The following NEK4 variants were observed in gnomAD, a reference collection of about 807,000 sequenced individuals.
NEK4 encodes serine/threonine-protein kinase Nek4.
In NEK4, 86 loss-of-function variants were observed where a neutral mutation model predicts 98.4. The observed-to-expected ratio is 0.87, with a 90% CI of 0.73 to 1.05. The LOEUF (loss-of-function observed/expected upper bound fraction) is 1.05, where lower values mean the gene tolerates loss of function less well. NEK4 is among the 50% of genes least tolerant of loss of function. The pLI is 0.00. For synonymous variants in NEK4, 328 were observed against 342.2 expected (o/e 0.96, Z 0.46); for missense variants, 898 against 950.3 (o/e 0.94, Z 0.72).
chr3:52,762,565 T>C (rs1182642787), intron 5 of NEK4, among the ~76,000 whole-genome samples: 3 of 152,324 alleles, frequency 2.0e-5, no homozygotes, highest in South Asian at 4.1e-4. Flanking sequence ...TGGGAGAATA[T>C]GCCACGCCAA....
intron 12 of NEK4, among the ~76,000 whole-genome samples, chr3:52,742,893 G>A (rs1278790327): frequency 6.6e-6 from 1 of 152,174 alleles, no homozygotes; most frequent in African/African-American, 2.4e-5. Flanking sequence ...GGGCTCAAGT[G>A]ATCCTTCCAC....
chr3:52,718,850 T>C (rs2097357591), intron 15 of NEK4, among the ~76,000 whole-genome samples: 1 of 152,330 alleles, frequency 6.6e-6, no homozygotes. Context: ...TTCCGCCTCC[T>C]GGGCTCAAGT....
At chr3:52,727,987 C>G (rs557872700) in intron 15 of NEK4, among the ~76,000 whole-genome samples, 1 of 152,266 alleles carries the variant, frequency 6.6e-6, no homozygotes, top group Admixed American at 6.5e-5. Context: ...AATCTCAGCA[C>G]TTTGGGAGAC....
intron 1 of NEK4, among the ~76,000 whole-genome samples, 194 bp from the exon 2 acceptor site, chr3:52,768,798 G>C (rs1698674088): frequency 6.6e-6 from 1 of 152,112 alleles, no homozygotes; most frequent in Non-Finnish European, 1.5e-5. Flanking sequence ...TTATAAGTTA[G>C]ATTTATAGCA....
chr3:52,708,707 A>G lies in NEK4; in HGVS notation c.*3070T>C, dbSNP rs1385624308. On this transcript the variant is annotated 3_prime_UTR_variant, in exon 16 of 16. Transcript: ENST00000233027. ...AACATTTCACCTTTATTGAATGCCT[A>G]TAAGGCCATTTGAATAACGGATCAT... is the stretch of plus-strand genomic sequence containing the variant. The G allele has an allele frequency of 2.6e-5, 4 of 152,188 alleles. No homozygotes were observed. Among genetic ancestry groups the G allele is most frequent in the African/African-American group, 4.8e-5 (2 of 41,446 alleles). The allele number at this position is 152,188 out of a possible 1,614,324, so 9.4% of individuals were successfully genotyped here. A position where few individuals can be genotyped will look rare whatever the true frequency, so the allele number is the denominator to read the frequency against.
chr3:52,746,947 T>C (rs2097397271), intron 8 of NEK4, 43 bp from the exon 9 acceptor site: 3 of 1,434,706 alleles, frequency 2.1e-6, no homozygotes, highest in Non-Finnish European at 2.9e-6. Flanking sequence ...AGCAGCAACC[T>C]GGTACATTGT....
chr3:52,756,825 G>C (rs1044356988), intron 6 of NEK4, among the ~76,000 whole-genome samples: 1 of 152,124 alleles, frequency 6.6e-6, no homozygotes, highest in Non-Finnish European at 1.5e-5. Flanking sequence ...CCCACAAAAT[G>C]AGAGAAAATA....
intron 15 of NEK4, chr3:52,732,779 T>C (rs1189862650): frequency 1.2e-5 from 3 of 256,060 alleles, no homozygotes; most frequent in Non-Finnish European, 2.6e-5. Flanking sequence ...CTCTGGACTC[T>C]GCAGGGTGAA....
At chr3:52,754,656 C>T (rs1412460317) in intron 6 of NEK4, 4 of 660,978 alleles carry the variant, frequency 6.1e-6, no homozygotes, top group South Asian at 1.4e-5. Flanking sequence ...TGGCTCAGTA[C>T]AATCTTTCAG....
Position 52,752,298 on chromosome 3 carries a change from G to A in NEK4, c.1002C>T (p.Ala334=), listed in dbSNP as rs560643744. 4.1e-5 allele frequency: 66 copies of A among 1,614,074 alleles called. 2 individuals carry two copies. The South Asian group carries it at 6.9e-4, about 17-fold the overall frequency. The part of the protein sequence containing the change: ...GKCLSQEKPR[A]SGLLKSPASL... Reference sequence around the variant, plus strand: ...TGGCAGGTGACTTCAAGAGACCAGAGGCCCTGGGTTTCTCCTGGGACAAAC... The same window carrying A: ...TGGCAGGTGACTTCAAGAGACCAGAAGCCCTGGGTTTCTCCTGGGACAAAC... Residue 334 remains alanine (A), a synonymous_variant, in exon 7 of 16, where the codon GCC becomes GCT. Transcript: ENST00000233027.
chr3:52,733,346 C>A, intron 15 of NEK4: 2 of 368,338 alleles, frequency 5.4e-6, no homozygotes, highest in Non-Finnish European at 1.1e-5. Flanking sequence ...AAGAATTCAT[C>A]CTGGAGAGAG....
chr3:52,760,545 T>G (rs57607481), intron 6 of NEK4, among the ~76,000 whole-genome samples: 2 of 152,204 alleles, frequency 1.3e-5, no homozygotes, highest in Admixed American at 6.5e-5. Context: ...ATGGTTAATT[T>G]TGTTATATAA....
Position 52,770,888 on chromosome 3 carries a change from G to GC in NEK4, c.-143dup. 1 of 683,020 alleles carries GC rather than the reference G, an allele frequency of 1.5e-6. No homozygotes were observed. The highest frequency in any genetic ancestry group is 2.8e-5 in the East Asian group (1 of 36,264). The allele number at this position is 683,020 out of a possible 1,614,324, so 42.3% of individuals were successfully genotyped here. On this transcript the variant is annotated 5_prime_UTR_variant, in exon 1 of 16. An upstream open reading frame in the 5' UTR loses its in-frame stop. Transcript: ENST00000233027. Reference sequence around the variant, plus strand: ...GCCGGGCCCGGGCGGGATTGCTGGGGCCCGGCCCGCGACGACGCCGCTGCC... The same window carrying GC: ...GCCGGGCCCGGGCGGGATTGCTGGGGCCCCGGCCCGCGACGACGCCGCTGCC...
intron 8 of NEK4, chr3:52,747,362 G>A (rs1342931796): frequency 6.2e-6 from 1 of 161,724 alleles, no homozygotes; most frequent in Non-Finnish European, 1.3e-5. Flanking sequence ...GGCTGAGGTA[G>A]AAGAATTGCT....
intron 15 of NEK4, among the ~76,000 whole-genome samples, chr3:52,726,859 G>A (rs1561290228): frequency 6.7e-6 from 1 of 149,536 alleles, no homozygotes; most frequent in Non-Finnish European, 1.5e-5. Context: ...AGCTGAGATG[G>A]CGCCATTGCA....
At position 52,744,314 on chromosome 3, in the gene NEK4, G is replaced by C; in HGVS notation, c.1828-9C>G. 2 of 1,607,172 alleles carry C rather than the reference G, an allele frequency of 1.2e-6. No homozygotes were observed. The highest frequency in any genetic ancestry group is 8.5e-7 in the Non-Finnish European group (1 of 1,173,782). ...GCTGATAATGGTCGATCCTTTAAAA[G>C]AAAGTCACAGAGTCACTTCCATTCC... On this transcript the variant is annotated splice_polypyrimidine_tract_variant and intron_variant, in intron 10 of 15. Coordinates refer to ENST00000233027, the MANE Select transcript of NEK4 (RefSeq NM_003157.6).
intron 6 of NEK4, among the ~76,000 whole-genome samples, chr3:52,752,931 T>C (rs1423886919): frequency 0.027 from 1,504 of 55,370 alleles, 24 homozygotes; most frequent in South Asian, 0.043. Context: ...TATATATATA[T>C]ATACACACAC....
intron 15 of NEK4, among the ~76,000 whole-genome samples, chr3:52,729,056 A>AT (rs1289873824): frequency 1.3e-5 from 2 of 152,140 alleles, no homozygotes; most frequent in African/African-American, 4.8e-5. Flanking sequence ...AGTAGTTCTG[A>AT]TTTTGCCTTT....
intron 15 of NEK4, among the ~76,000 whole-genome samples, chr3:52,727,555 G>A (rs893530030): frequency 2.0e-5 from 3 of 151,990 alleles, no homozygotes; most frequent in African/African-American, 4.8e-5. Context: ...GGCTCACTCC[G>A]ACCTCCACCT....
Sources: gnomAD v4.1 joint callset for allele counts (sites outside exome capture counted in the v4.1 genomes callset) on GRCh38, gnomAD v4.1.1 for gene constraint, MANE v1.5 for transcripts, NCBI Gene and HGNC (gene_info 2026-07-23, HGNC 2026-07-21) for gene names.